The following ELF2 variants were observed in gnomAD, a reference collection of about 807,000 sequenced individuals.
The protein encoded by ELF2 is ETS-related transcription factor Elf-2.
Under a neutral mutation model 54.8 loss-of-function variants are expected in ELF2, and 11 were observed. The observed-to-expected ratio is 0.20, with a 90% CI of 0.13 to 0.33. The LOEUF (loss-of-function observed/expected upper bound fraction) is 0.33, where lower values mean the gene tolerates loss of function less well. ELF2 is among the 10% of genes least tolerant of loss of function. The pLI is 1.00. For missense variants in ELF2, 513 were observed against 703.0 expected (o/e 0.73, Z 3.06); for synonymous variants, 203 against 245.1 (o/e 0.83, Z 1.61).
chr4:139,172,459 C>G lies in ELF2; in HGVS notation c.-252+4508G>C, dbSNP rs530946022. On this transcript the variant is annotated intron_variant, in intron 1 of 9. Coordinates refer to ENST00000686138, the MANE Select transcript of ELF2 (RefSeq NM_001331036.3). ...CACCATATTCACGCTGTCTACACTA[C>G]CTGCTCATTAGTCACTTAGTGGCCA... Among the ~76,000 whole-genome samples, 425 of 152,326 alleles carry G rather than the reference C, an allele frequency of 2.8e-3. 1 individual carries two copies. The highest frequency in any genetic ancestry group is 1.0e-2 in the African/African-American group (414 of 41,568).
intron 3 of ELF2, among the ~76,000 whole-genome samples, chr4:139,135,969 C>T (rs772273198): frequency 6.6e-5 from 10 of 152,130 alleles, no homozygotes; most frequent in Non-Finnish European, 1.0e-4. Flanking sequence ...CCTCATTTTC[C>T]CCATATTAAT....
chr4:139,153,928 T>C (rs1001875355), intron 1 of ELF2, among the ~76,000 whole-genome samples: 7 of 152,190 alleles, frequency 4.6e-5, no homozygotes, highest in African/African-American at 1.7e-4. Flanking sequence ...AATGTGACCA[T>C]ACTCTCCCCC....
chr4:139,128,188 T>C (rs937899293), intron 3 of ELF2, among the ~76,000 whole-genome samples: 5 of 152,170 alleles, frequency 3.3e-5, no homozygotes, highest in South Asian at 2.1e-4. Context: ...GGCAAGAGGA[T>C]TGCTTGAACC....
At chr4:139,121,111 T>C in intron 4 of ELF2, among the ~76,000 whole-genome samples, 1 of 131,086 alleles carries the variant, frequency 7.6e-6, no homozygotes, top group Non-Finnish European at 1.6e-5. Flanking sequence ...TTTTTTTTTT[T>C]TTTTTTTTTT....
intron 1 of ELF2, among the ~76,000 whole-genome samples, chr4:139,173,243 T>G (rs1409615826): frequency 6.6e-6 from 1 of 152,106 alleles, no homozygotes; most frequent in Admixed American, 6.6e-5. Flanking sequence ...ATTATTGAAT[T>G]ATATACTCAA....
chr4:139,136,676 T>G (rs1187081702), intron 3 of ELF2: 1 of 151,120 alleles, frequency 6.6e-6, no homozygotes, highest in East Asian at 1.9e-4. Context: ...TTTTTTTTTT[T>G]TTTTTTGAGA....
intron 1 of ELF2, among the ~76,000 whole-genome samples, chr4:139,170,368 G>A (rs527897019): frequency 2.8e-5 from 4 of 143,360 alleles, no homozygotes; most frequent in African/African-American, 2.6e-5. Context: ...GGGTTCAAGC[G>A]ATTCTCTGTC....
chr4:139,163,375 A>G (rs1331276437), intron 1 of ELF2, among the ~76,000 whole-genome samples: 1 of 152,180 alleles, frequency 6.6e-6, no homozygotes, highest in Non-Finnish European at 1.5e-5. Flanking sequence ...ATAATATAAA[A>G]AGGACTCAGT....
chr4:139,159,940 T>C lies in ELF2; in HGVS notation c.-252+17027A>G, dbSNP rs1740946971. On this transcript the variant is annotated intron_variant, in intron 1 of 9. Coordinates refer to ENST00000686138, the MANE Select transcript of ELF2 (RefSeq NM_001331036.3). ...ATAAATATTGACGCGTGTAGTCCCT[T>C]TGCAAGAGTGAGGGCTCAAGTTAAG... 5.9e-5 allele frequency among the ~76,000 whole-genome samples: 9 copies of C among 152,288 alleles called. No homozygotes were observed. The South Asian group carries it at 1.9e-3, about 32-fold the overall frequency.
At chr4:139,170,086 C>T (rs1004382319) in intron 1 of ELF2, among the ~76,000 whole-genome samples, 8 of 151,998 alleles carry the variant, frequency 5.3e-5, no homozygotes, top group African/African-American at 1.7e-4. Flanking sequence ...ATGATAAAAT[C>T]TAACTGTTAG....
intron 4 of ELF2, among the ~76,000 whole-genome samples, chr4:139,117,499 G>C (rs1735855184): frequency 6.6e-6 from 1 of 151,464 alleles, no homozygotes; most frequent in Admixed American, 6.6e-5. Context: ...TTCGAGATCA[G>C]CCTGTACAAC....
intron 4 of ELF2, chr4:139,084,340 T>G (rs1282589505): frequency 6.5e-7 from 1 of 1,531,842 alleles, no homozygotes; most frequent in East Asian, 2.4e-5. Context: ...CCCGGATCCT[T>G]GCGCGTCCTC....
At chr4:139,065,338 A>G (rs1389365500) in intron 7 of ELF2, among the ~76,000 whole-genome samples, 1 of 152,108 alleles carries the variant, frequency 6.6e-6, no homozygotes, top group African/African-American at 2.4e-5. Flanking sequence ...TTAGCCAGAC[A>G]CGGTGGTATG....
In ELF2 at chr4:139,071,565, G is replaced by C. The variant is rs1213815529; in HGVS notation, c.526+301C>G. The stretch of plus-strand genomic sequence containing the variant: ...CAAGTACCCATAAAAGGATCAACAA[G>C]GAGAAGATGGAGTAAGACAAGGTGC... On this transcript the variant is annotated intron_variant, in intron 6 of 9. Coordinates refer to ENST00000686138, the MANE Select transcript of ELF2 (RefSeq NM_001331036.3). Among the ~76,000 whole-genome samples, 3 of 151,968 alleles carry C rather than the reference G, an allele frequency of 2.0e-5. No homozygotes were observed. In the South Asian group the frequency reaches 6.2e-4, roughly 31 times the overall value.
At position 139,094,130 on chromosome 4, in the gene ELF2, C is replaced by T. The variant is rs146150598; in HGVS notation, c.239-20563G>A. On this transcript the variant is annotated intron_variant, in intron 4 of 9. Transcript: ENST00000686138. ...GGTCAGGCTGGTCTCAACCTCCCAA[C>T]CTCAGGTGATCCACCACCTCGGCCT... Among the ~76,000 whole-genome samples, 703 of 152,190 alleles carry T rather than the reference C, an allele frequency of 4.6e-3. 7 individuals are homozygous for T. Among genetic ancestry groups the T allele is most frequent in the African/African-American group, 0.016 (669 of 41,522 alleles).
intron 4 of ELF2, among the ~76,000 whole-genome samples, chr4:139,081,605 C>G (rs1314811303): frequency 1.3e-5 from 2 of 152,298 alleles, no homozygotes; most frequent in East Asian, 3.9e-4. Flanking sequence ...TTCTCTGTCA[C>G]ACCTGATGAC....
intron 4 of ELF2, chr4:139,084,348 C>T (rs969179058): frequency 6.6e-7 from 1 of 1,516,082 alleles, no homozygotes; most frequent in African/African-American, 1.4e-5. Flanking sequence ...CTTGCGCGTC[C>T]TCCGACAGGA....
intron 2 of ELF2, among the ~76,000 whole-genome samples, chr4:139,139,019 GATTT>G (rs1218845634): frequency 2.0e-5 from 3 of 152,064 alleles, no homozygotes; most frequent in South Asian, 2.1e-4. Flanking sequence ...GAAGTACAGA[GATTT>G]ATTACTAACA....
intron 4 of ELF2, among the ~76,000 whole-genome samples, chr4:139,121,276 T>G (rs1425618958): frequency 6.6e-6 from 1 of 150,696 alleles, no homozygotes; most frequent in African/African-American, 2.4e-5. Flanking sequence ...GCCCGGCTAA[T>G]TTTTTGTATT....
Sources: allele counts gnomAD v4.1 joint callset (sites outside exome capture counted in the v4.1 genomes callset), GRCh38; gene constraint gnomAD v4.1.1; transcripts MANE v1.5; gene names NCBI Gene and HGNC (gene_info 2026-07-23, HGNC 2026-07-21).